Variants in EEF2K observed in about 807,000 individuals in gnomAD.
EEF2K encodes eukaryotic elongation factor 2 kinase.
EEF2K carries 70 observed loss-of-function variants against 93.8 expected under a neutral mutation model. The observed-to-expected ratio is 0.75, with a 90% CI of 0.62 to 0.91. The LOEUF (loss-of-function observed/expected upper bound fraction) is 0.91, where lower values mean the gene tolerates loss of function less well. EEF2K is among the 40% of genes least tolerant of loss of function. EEF2K has a pLI of 0.00. For missense variants in EEF2K, 935 were observed against 972.9 expected (o/e 0.96, Z 0.52); for synonymous variants, 376 against 380.8 (o/e 0.99, Z 0.15).
At chr16:22,222,104 C>T (rs551828941) in intron 1 of EEF2K, among the ~76,000 whole-genome samples, 1 of 152,208 alleles carries the variant, frequency 6.6e-6, no homozygotes, top group South Asian at 2.1e-4. Context: ...AAAAAGTTTC[C>T]TCCAGCTCTA....
chr16:22,272,580 A>G (rs1221511376), intron 15 of EEF2K, among the ~76,000 whole-genome samples: 1 of 151,910 alleles, frequency 6.6e-6, no homozygotes, highest in Admixed American at 6.6e-5. Flanking sequence ...GCGGTATGAG[A>G]TTTCTTTCTG....
At chr16:22,257,501 A>T in intron 8 of EEF2K, 116 bp downstream of exon 8, 1 of 1,546,144 alleles carries the variant, frequency 6.5e-7, no homozygotes, top group Non-Finnish European at 8.7e-7. Flanking sequence ...TTTCAAGATC[A>T]TGGAGATGGG....
chr16:22,282,624 G>A (rs764695609), intron 17 of EEF2K, among the ~76,000 whole-genome samples: 4 of 152,194 alleles, frequency 2.6e-5, no homozygotes, highest in East Asian at 1.9e-4. Flanking sequence ...CCTCTTGCTC[G>A]CTTGCTTTCT....
intron 1 of EEF2K, among the ~76,000 whole-genome samples, chr16:22,214,777 AG>A (rs2046944092): frequency 6.6e-6 from 1 of 152,222 alleles, no homozygotes; most frequent in Admixed American, 6.5e-5. Flanking sequence ...TGAGTGGGAA[AG>A]GGATTCCAGG....
chr16:22,250,692 G>GT lies in EEF2K; in HGVS notation c.446+2dup. ...GAGCAATGAGGGAGTGCTTCCGGAC[G>GT]TAAGTGACTCAGCCTGGCTCTTGGG... On this transcript the variant is annotated splice_donor_variant, in intron 5 of 17. Transcript: ENST00000263026. LOFTEE classifies it high-confidence loss of function. 6.2e-7 allele frequency: 1 copy of GT among 1,614,190 alleles called. No individual in the cohort carries two copies. The highest frequency in any genetic ancestry group is 8.5e-7 in the Non-Finnish European group (1 of 1,180,026).
chr16:22,227,206 TTAAAA>T (rs1056585887), intron 2 of EEF2K, among the ~76,000 whole-genome samples: 6 of 152,140 alleles, frequency 3.9e-5, no homozygotes, highest in Non-Finnish European at 7.4e-5. Flanking sequence ...TCTCAAAAAA[TTAAAA>T]TAAAATAAAT....
chr16:22,225,715 G>A lies in EEF2K; in HGVS notation c.-15G>A. Reference sequence around the variant, plus strand: ...GTGCCGGATACTGCTTGGGTAAAACGGGCACCCCAGGAACATGGCAGACGA... The same window carrying A: ...GTGCCGGATACTGCTTGGGTAAAACAGGCACCCCAGGAACATGGCAGACGA... On this transcript the variant is annotated 5_prime_UTR_variant, in exon 2 of 18. Transcript: ENST00000263026. The A allele has an allele frequency of 6.2e-7, 1 of 1,612,132 alleles. No homozygotes were observed. The highest frequency in any genetic ancestry group is 2.2e-5 in the East Asian group (1 of 44,846).
chr16:22,266,486 G>C lies in EEF2K; in HGVS notation c.1537G>C (p.Asp513His). The C allele has an allele frequency of 6.2e-7, 1 of 1,614,204 alleles. No homozygotes were observed. Among genetic ancestry groups the C allele is most frequent in the Non-Finnish European group, 8.5e-7 (1 of 1,180,042 alleles). Reference sequence around the variant, plus strand: ...GGAAGTGCAAAGGCTTAATGCTCTGGACCTCGAAAAGAAAATCGGGAAGTC... The same window carrying C: ...GGAAGTGCAAAGGCTTAATGCTCTGCACCTCGAAAAGAAAATCGGGAAGTC... ...ALEVQRLNAL[D>H]LEKKIGKSIL... Residue 513 changes from aspartate to histidine, a missense_variant, in exon 14 of 18, where the codon GAC (aspartate) becomes CAC (histidine). Physicochemically the swap from Asp to His is moderately conservative, Grantham distance 81 (BLOSUM62 -1). Coordinates refer to ENST00000263026, the MANE Select transcript of EEF2K (RefSeq NM_013302.5).
intron 1 of EEF2K, among the ~76,000 whole-genome samples, chr16:22,217,020 G>T (rs2046963602): frequency 6.6e-6 from 1 of 151,670 alleles, no homozygotes. Context: ...AATTAGCTGG[G>T]TATGGTGACG....
intron 17 of EEF2K, among the ~76,000 whole-genome samples, chr16:22,281,556 A>G (rs1242420396): frequency 6.6e-6 from 1 of 152,228 alleles, no homozygotes; most frequent in Non-Finnish European, 1.5e-5. Flanking sequence ...GGGTTTTAGT[A>G]TAGTCATAAT....
chr16:22,255,461 C>T (rs1028783813), intron 6 of EEF2K, among the ~76,000 whole-genome samples: 2 of 152,162 alleles, frequency 1.3e-5, no homozygotes, highest in African/African-American at 4.8e-5. Context: ...GCAGAGTCCA[C>T]CTTACAGGGC....
rs1244806087 is a variant in EEF2K at position 22,286,234 on chromosome 16, A to ACATTTTGT, written c.*2239_*2246dup. 2 of 152,164 alleles carry ACATTTTGT rather than the reference A, an allele frequency of 1.3e-5. No individual in the cohort carries two copies. The highest frequency in any genetic ancestry group is 2.9e-5 in the Non-Finnish European group (2 of 68,024). The allele number at this position is 152,164 out of a possible 1,614,324, so 9.4% of individuals were successfully genotyped here. On this transcript the variant is annotated 3_prime_UTR_variant, in exon 18 of 18. Coordinates refer to ENST00000263026, the MANE Select transcript of EEF2K (RefSeq NM_013302.5). ...ACCAGATCAGTAGTTGGCTTGTGTT[A>ACATTTTGT]CATTTTGTGTGTGTGTGTGCGTGTT... is the stretch of plus-strand genomic sequence containing the variant.
chr16:22,218,856 G>A (rs1380552050), intron 1 of EEF2K, among the ~76,000 whole-genome samples: 1 of 151,696 alleles, frequency 6.6e-6, no homozygotes, highest in Non-Finnish European at 1.5e-5. Context: ...CGGGCGCAGT[G>A]GCTCATGCCT....
At chr16:22,219,074 G>A (rs139725579) in intron 1 of EEF2K, among the ~76,000 whole-genome samples, 97 of 152,216 alleles carry the variant, frequency 6.4e-4, no homozygotes, top group African/African-American at 2.2e-3. Flanking sequence ...TATCACAGGA[G>A]TAGATCCTTT....
chr16:22,280,499 A>G (rs2047682687), intron 17 of EEF2K, 123 bp downstream of exon 17: 4 of 1,128,224 alleles, frequency 3.5e-6, no homozygotes, highest in African/African-American at 1.6e-5. Context: ...AGGGAGGGGA[A>G]TTTATGGAGC....
intron 10 of EEF2K, 87 bp from the exon 11 acceptor site, chr16:22,260,375 A>T: frequency 7.8e-7 from 1 of 1,290,300 alleles, no homozygotes; most frequent in Non-Finnish European, 1.1e-6. Context: ...GCTTGGTGGC[A>T]GGTATGGACC....
At position 22,256,880 on chromosome 16, in the gene EEF2K, A is replaced by C. The variant is rs1040778893; in HGVS notation, c.751A>C (p.Ile251Leu). The change falls in exon 7 of 18, where the codon ATC becomes CTC. Residue 251 changes from isoleucine to leucine, a missense_variant. Ile to Leu is a conservative substitution (Grantham distance 5, BLOSUM62 2). Transcript: ENST00000263026. ...CTCTGGCTTTGTCCGCGATGACAAC[A>C]TCCGCCTGACGCCGCAGGTGAGGCC... ...SNSGFVRDDN[I>L]RLTPQAFSHF... 6.2e-6 allele frequency: 10 copies of C among 1,613,986 alleles called. No homozygotes were observed. Among genetic ancestry groups the C allele is most frequent in the Non-Finnish European group, 7.6e-6 (9 of 1,179,984 alleles).
At chr16:22,212,361 T>C (rs2046922981) in intron 1 of EEF2K, among the ~76,000 whole-genome samples, 1 of 151,854 alleles carries the variant, frequency 6.6e-6, no homozygotes, top group Non-Finnish European at 1.5e-5. Context: ...TCTTGCTGTG[T>C]CACCCAGGCT....
At chr16:22,216,914 C>A (rs1368929468) in intron 1 of EEF2K, among the ~76,000 whole-genome samples, 2 of 151,880 alleles carry the variant, frequency 1.3e-5, no homozygotes, top group Non-Finnish European at 2.9e-5. Flanking sequence ...GTAATCCCAG[C>A]CCTTTGGGAG....
Sources: gnomAD v4.1 joint callset for allele counts (sites outside exome capture counted in the v4.1 genomes callset) on GRCh38, gnomAD v4.1.1 for gene constraint, MANE v1.5 for transcripts, NCBI Gene and HGNC (gene_info 2026-07-23, HGNC 2026-07-21) for gene names.